DPYD: variants seen among roughly 807,000 people sequenced by gnomAD.
DPYD encodes the protein dihydropyrimidine dehydrogenase, also known as dihydropyrimidine dehydrogenase [NADP(+)].
Under a neutral mutation model 116.2 loss-of-function variants are expected in DPYD, and 109 were observed. The ratio of observed to expected loss-of-function variants is 0.94; its 90% confidence interval spans 0.80 to 1.10. DPYD has a LOEUF of 1.10. DPYD is among the 50% of genes least tolerant of loss of function. The pLI is 0.00. For missense variants in DPYD, 1,302 were observed against 1,254.5 expected (o/e 1.04, Z -0.57); for synonymous variants, 440 against 432.0 (o/e 1.02, Z -0.23).
chr1:97,268,343 A>G (rs1342824911), intron 18 of DPYD, among the ~76,000 whole-genome samples: 1 of 152,066 alleles, frequency 6.6e-6, no homozygotes, highest in Non-Finnish European at 1.5e-5. Flanking sequence ...CCTCACTCCC[A>G]TGGCTCTACT....
At chr1:97,419,666 AT>A (rs888481383) in intron 14 of DPYD, among the ~76,000 whole-genome samples, 15 of 152,116 alleles carry the variant, frequency 9.9e-5, no homozygotes, top group African/African-American at 3.1e-4. Flanking sequence ...ATAAAAATAT[AT>A]TTTTTATACC....
intron 19 of DPYD, among the ~76,000 whole-genome samples, chr1:97,233,528 T>C (rs2100743435): frequency 6.6e-6 from 1 of 152,172 alleles, no homozygotes; most frequent in Middle Eastern, 3.4e-3. Context: ...TGGATGGGTG[T>C]AGGGATGGAA....
At chr1:97,097,014 G>C (rs1463140566) in intron 21 of DPYD, among the ~76,000 whole-genome samples, 1 of 152,142 alleles carries the variant, frequency 6.6e-6, no homozygotes, top group Non-Finnish European at 1.5e-5. Flanking sequence ...TCATATAGTA[G>C]TCATAGCCAC....
intron 8 of DPYD, among the ~76,000 whole-genome samples, chr1:97,639,302 T>G (rs904963193): frequency 6.6e-6 from 1 of 152,180 alleles, no homozygotes; most frequent in African/African-American, 2.4e-5. Flanking sequence ...TTGCTTACTG[T>G]TATTGATAAT....
At chr1:97,770,561 A>G (rs1052658434) in intron 3 of DPYD, among the ~76,000 whole-genome samples, 1 of 152,220 alleles carries the variant, frequency 6.6e-6, no homozygotes, top group Non-Finnish European at 1.5e-5. Flanking sequence ...AGTGACTAAC[A>G]CTGTACATGA....
rs192279664 is a variant in DPYD, at chr1:97,361,597, T to C, written c.2058+11964A>G. Among the ~76,000 whole-genome samples, 4 of 152,296 alleles carry C rather than the reference T, an allele frequency of 2.6e-5. 1 individual carries two copies. The highest frequency in any genetic ancestry group is 2.6e-4 in the Admixed American group (4 of 15,298). On this transcript the variant is annotated intron_variant, in intron 16 of 22. Coordinates refer to ENST00000370192, the MANE Select transcript of DPYD (RefSeq NM_000110.4). ...CGAATCCAGCAGCACATCAAAAAGCTTATCCACCACGATCAAGTCAACTTC... is the reference window on the plus strand; with the variant it reads ...CGAATCCAGCAGCACATCAAAAAGCCTATCCACCACGATCAAGTCAACTTC...
chr1:97,484,703 C>T (rs933769130), intron 13 of DPYD, among the ~76,000 whole-genome samples: 5 of 152,118 alleles, frequency 3.3e-5, no homozygotes, highest in Non-Finnish European at 7.4e-5. Flanking sequence ...TTTTGTTCTT[C>T]TTTCTGAAAG....
chr1:97,277,016 C>T (rs571540018), intron 18 of DPYD, among the ~76,000 whole-genome samples: 2 of 152,208 alleles, frequency 1.3e-5, no homozygotes, highest in South Asian at 4.2e-4. Context: ...CCATGGAATA[C>T]TATGCAGCCA....
At chr1:97,722,579 A>C (rs1007646671) in intron 4 of DPYD, among the ~76,000 whole-genome samples, 3 of 151,564 alleles carry the variant, frequency 2.0e-5, no homozygotes, top group African/African-American at 7.3e-5. Context: ...AGCTGATAGA[A>C]TGCACTTAAC....
intron 3 of DPYD, among the ~76,000 whole-genome samples, chr1:97,825,847 T>C (rs1669212119): frequency 6.6e-6 from 1 of 152,148 alleles, no homozygotes; most frequent in Middle Eastern, 3.4e-3. Context: ...ACAGAGAAGC[T>C]ACCATGAAAT....
chr1:97,750,730 G>A lies in DPYD; in HGVS notation c.234-10251C>T, dbSNP rs370800302. ...CATAATGGATATTCAATTTACACAG[G>A]TTTGAACTGCTGGGCTCAAGTATAC... On this transcript the variant is annotated intron_variant, in intron 3 of 22. Coordinates refer to ENST00000370192, the MANE Select transcript of DPYD (RefSeq NM_000110.4). Among the ~76,000 whole-genome samples the A allele has an allele frequency of 1.2e-4, 19 of 152,198 alleles. No homozygotes were observed. In the South Asian group the frequency reaches 3.9e-3, roughly 32 times the overall value.
intron 19 of DPYD, among the ~76,000 whole-genome samples, chr1:97,206,548 G>T (rs1414303658): frequency 6.7e-6 from 1 of 148,636 alleles, no homozygotes; most frequent in Non-Finnish European, 1.5e-5. Flanking sequence ...TTGCCCACAG[G>T]ATCCTTTCTT....
intron 16 of DPYD, among the ~76,000 whole-genome samples, chr1:97,336,596 A>G (rs1669296180): frequency 6.6e-6 from 1 of 152,152 alleles, no homozygotes; most frequent in African/African-American, 2.4e-5. Flanking sequence ...TAAAAATACA[A>G]AAAATTAGCC....
At chr1:97,157,291 C>A (rs564024494) in intron 20 of DPYD, among the ~76,000 whole-genome samples, 54 of 151,520 alleles carry the variant, frequency 3.6e-4, no homozygotes, top group Admixed American at 2.3e-3. Flanking sequence ...ATTAAAAAAA[C>A]CCCTTCTTGG....
intron 16 of DPYD, among the ~76,000 whole-genome samples, chr1:97,323,969 C>T (rs370157478): frequency 6.6e-6 from 1 of 151,816 alleles, no homozygotes; most frequent in South Asian, 2.1e-4. Flanking sequence ...TAGGCCTAGG[C>T]AACTGAAGAT....
intron 1 of DPYD, among the ~76,000 whole-genome samples, chr1:97,907,139 A>G (rs1673673363): frequency 6.6e-6 from 1 of 152,190 alleles, no homozygotes; most frequent in South Asian, 2.1e-4. Context: ...ATTTCATCAC[A>G]TTACCCAAAA....
intron 8 of DPYD, among the ~76,000 whole-genome samples, chr1:97,664,544 T>A (rs1258390762): frequency 2.6e-5 from 4 of 152,140 alleles, no homozygotes; most frequent in African/African-American, 9.6e-5. Context: ...AATATATATA[T>A]AACTATACAT....
At chr1:97,113,250 G>A (rs764738221) in intron 20 of DPYD, among the ~76,000 whole-genome samples, 2 of 152,044 alleles carry the variant, frequency 1.3e-5, no homozygotes, top group Non-Finnish European at 2.9e-5. Flanking sequence ...GCTACAGCGG[G>A]CTCTCTGTTA....
intron 20 of DPYD, among the ~76,000 whole-genome samples, chr1:97,164,325 G>A (rs1656146160): frequency 6.6e-6 from 1 of 152,068 alleles, no homozygotes. Flanking sequence ...ATATCATACT[G>A]AAAGGGCAAA....
Sources: gnomAD v4.1 joint callset for allele counts (sites outside exome capture counted in the v4.1 genomes callset) on GRCh38, gnomAD v4.1.1 for gene constraint, MANE v1.5 for transcripts, NCBI Gene and HGNC (gene_info 2026-07-23, HGNC 2026-07-21) for gene names.